Variants in SPEG observed in about 807,000 individuals in gnomAD.
The protein encoded by SPEG is striated muscle preferentially expressed protein kinase.
A neutral mutation model predicts 300.4 loss-of-function variants in SPEG; 114 were observed. That is an observed-to-expected ratio of 0.38 (90% CI 0.33 to 0.44). The LOEUF (loss-of-function observed/expected upper bound fraction) is 0.44, where lower values mean the gene tolerates loss of function less well. Among genes scored for constraint, SPEG ranks in the 20% least tolerant of loss-of-function variants. The probability of loss-of-function intolerance (pLI) is 1.00; values close to 1 mark genes in which losing one functional copy is unlikely to be tolerated. For synonymous variants in SPEG, 1,964 were observed against 2,018.9 expected, an observed-to-expected ratio of 0.97 and a Z score of 0.73; for missense variants, 4,201 against 4,586.2, an observed-to-expected ratio of 0.92 and a Z score of 2.43.
chr2:219,490,565 C>T lies in SPEG; in HGVS notation c.9078C>T (p.His3026=), dbSNP rs541299207. 49 of 1,613,986 alleles carry T rather than the reference C, an allele frequency of 3.0e-5. No individual in the cohort carries two copies. Among genetic ancestry groups the T allele is most frequent in the Non-Finnish European group, 3.7e-5 (44 of 1,180,012 alleles). Residue 3026 remains histidine, a synonymous_variant, in exon 37 of 41, where the codon CAC becomes CAT. Transcript: ENST00000312358. ...ACCACGAGCGGATCATGTCCCTGCACGAGGCCTACATCACCCCTCGGTACC... is the reference window on the plus strand; with the variant it reads ...ACCACGAGCGGATCATGTCCCTGCATGAGGCCTACATCACCCCTCGGTACC... ...TLHHERIMSL[H]EAYITPRYLV... is the part of the protein sequence containing the mutation.
rs758102763 is a variant in SPEG, at chr2:219,492,312, G to C, written c.9611+52G>C. ...CCCAGTGTTACCTGCCCCTGGCCTG[G>C]CCTGTGCCAGAGATCTCCCAGCTCC... On this transcript the variant is annotated intron_variant, in intron 40 of 40. Transcript: ENST00000312358. 2.0e-5 allele frequency: 32 copies of C among 1,570,582 alleles called. 1 individual carries two copies. The East Asian group carries it at 7.2e-4, about 35-fold the overall frequency.
rs12614430 is a variant in SPEG, at chr2:219,445,766, G to C, written c.815+605G>C. ...GGGGGTGGCAGGGGGCTGGGAAAGGGAGGGGCTGGAAATGGGGCCAGGCCA... is the reference window on the plus strand; with the variant it reads ...GGGGGTGGCAGGGGGCTGGGAAAGGCAGGGGCTGGAAATGGGGCCAGGCCA... On this transcript the variant is annotated intron_variant, in intron 3 of 40. Coordinates refer to ENST00000312358, the MANE Select transcript of SPEG (RefSeq NM_005876.5). The surrounding 1 kb of genome is among the most constrained non-coding windows in gnomAD (Gnocchi z 6.1). 1 of 159,084 alleles carries C rather than the reference G, an allele frequency of 6.3e-6. No individual in the cohort carries two copies. Among genetic ancestry groups the C allele is most frequent in the South Asian group, 1.7e-4 (1 of 5,778 alleles). 9.9% of individuals were successfully genotyped at this position (159,084 alleles called of 1,614,324 possible). A position where few individuals can be genotyped will look rare whatever the true frequency, so the allele number is the denominator to read the frequency against.
In SPEG at chr2:219,435,241, C is replaced by G. The variant is rs911436001; in HGVS notation, c.264C>G (p.Pro88=). ...GGCAGCTCCTGCCCGCGCCGGCCCC[C>G]GAGCCCAGCTGCCTGTGGCTGCGGC... ...RDGQLLPAPA[P]EPSCLWLRRC... Residue 88 remains proline (P), a synonymous_variant, in exon 1 of 41, where the codon CCC becomes CCG. Coordinates refer to ENST00000312358, the MANE Select transcript of SPEG (RefSeq NM_005876.5). 27 of 1,479,216 alleles carry G rather than the reference C, an allele frequency of 1.8e-5. No individual in the cohort carries two copies. The highest frequency in any genetic ancestry group is 7.1e-5 in the Admixed American group (3 of 42,218). 91.6% of individuals were successfully genotyped at this position (1,479,216 alleles called of 1,614,324 possible).
At chr2:219,488,458 GC>G in intron 32 of SPEG, 39 bp from the exon 33 acceptor site, 1 of 1,542,684 alleles carries the variant, frequency 6.5e-7, no homozygotes, top group Non-Finnish European at 8.8e-7. Context: ...GACATGTGCT[GC>G]CTCACTCAGC....
chr2:219,441,584 C>A (rs932949496), intron 1 of SPEG: 1 of 470,740 alleles, frequency 2.1e-6, no homozygotes, highest in Non-Finnish European at 4.4e-6. Flanking sequence ...AGAGAGGCCC[C>A]GCGGGAGGAG....
Position 219,488,134 on chromosome 2 carries a change from C to A in SPEG, c.7742-60C>A, listed in dbSNP as rs186023548. 1.0e-4 allele frequency: 118 copies of A among 1,123,890 alleles called. 1 individual carries two copies. In the Admixed American group the frequency reaches 1.1e-3, roughly 11 times the overall value. The allele number at this position is 1,123,890 out of a possible 1,614,324, so 69.6% of individuals were successfully genotyped here. Reference sequence around the variant, plus strand: ...GTTTGCAGGCCTTCTCCACCCCTCCCTCAGCAGTAAGTGGGCCAGGGTCCC... The same window carrying A: ...GTTTGCAGGCCTTCTCCACCCCTCCATCAGCAGTAAGTGGGCCAGGGTCCC... On this transcript the variant is annotated intron_variant, in intron 31 of 40. Coordinates refer to ENST00000312358, the MANE Select transcript of SPEG (RefSeq NM_005876.5).
Position 219,451,337 on chromosome 2 carries a change from G to T in SPEG, c.2257+58G>T. On this transcript the variant is annotated intron_variant, in intron 5 of 40. Transcript: ENST00000312358. The surrounding 1 kb of genome is among the most constrained non-coding windows in gnomAD (Gnocchi z 6.4). The stretch of plus-strand genomic sequence containing the variant: ...AGGTTGGGAGGGGGTGTGTGAGAAG[G>T]GAAGGGGAGGTTCCCCCGGACTCCT... The T allele has an allele frequency of 2.6e-6, 4 of 1,542,560 alleles. No individual in the cohort carries two copies. Among genetic ancestry groups the T allele is most frequent in the Non-Finnish European group, 3.5e-6 (4 of 1,148,324 alleles).
chr2:219,488,891 C>A lies in SPEG; in HGVS notation c.8140C>A (p.Arg2714=), dbSNP rs1345485846. The A allele has an allele frequency of 3.2e-6, 5 of 1,583,852 alleles. No homozygotes were observed. The African/African-American group carries it at 6.7e-5, about 21-fold the overall frequency. The change falls in exon 34 of 41, where the codon CGA becomes AGA. Residue 2714 remains arginine (R), a synonymous_variant. Coordinates refer to ENST00000312358, the MANE Select transcript of SPEG (RefSeq NM_005876.5). ...RAPCTYTLER[R]VDGESVWHPV... ...ACCTTGCACGTATACGCTGGAGCGG[C>A]GAGTGGATGGTGAGGATGGGGCAGC...
Position 219,493,258 on chromosome 2 carries a change from C to G in SPEG, c.*472C>G. The G allele has an allele frequency of 2.8e-6, 1 of 358,010 alleles. No homozygotes were observed. Among genetic ancestry groups the G allele is most frequent in the Non-Finnish European group, 5.5e-6 (1 of 181,944 alleles). The allele number at this position is 358,010 out of a possible 1,614,324, so 22.2% of individuals were successfully genotyped here. On this transcript the variant is annotated 3_prime_UTR_variant, in exon 41 of 41. Transcript: ENST00000312358. ...CAGGACACAGATACAGTGGCAGGGG[C>G]CCAGGGCTGGGACATGAGAGAAGGC... is the stretch of plus-strand genomic sequence containing the variant.
At chr2:219,435,425 C>A in intron 1 of SPEG, 60 bp downstream of exon 1, 2 of 1,469,204 alleles carry the variant, frequency 1.4e-6, no homozygotes, top group Non-Finnish European at 1.8e-6. Flanking sequence ...TAGAAAAGGG[C>A]TGCCCAGGCC....
chr2:219,488,076 A>C, intron 31 of SPEG, 118 bp from the exon 32 acceptor site: 2 of 682,962 alleles, frequency 2.9e-6, no homozygotes, highest in Non-Finnish European at 2.6e-6. Context: ...CTGCCTGGGA[A>C]GAGACAAAGT....
chr2:219,461,032 TG>T, intron 6 of SPEG: 2 of 415,618 alleles, frequency 4.8e-6, no homozygotes, highest in Non-Finnish European at 6.1e-6. Flanking sequence ...GGGCTTGGGG[TG>T]GGGGGACCCT....
intron 18 of SPEG, chr2:219,474,194 A>C: frequency 3.6e-6 from 1 of 276,962 alleles, no homozygotes; most frequent in Non-Finnish European, 6.9e-6. Context: ...CCTCGCCAAC[A>C]TGGTGAAACC....
chr2:219,448,696 C>T lies in SPEG; in HGVS notation c.1538C>T (p.Ser513Leu). Residue 513 changes from serine (S) to leucine (L), a missense_variant, in exon 4 of 41, where the codon TCG (serine) becomes TTG (leucine). Ser to Leu is a moderately radical substitution (Grantham distance 145, BLOSUM62 -2). Transcript: ENST00000312358. ...RSTSREELVRSHESLRATLQR... is the reference protein window; with the variant it reads ...RSTSREELVRLHESLRATLQR... ...ACGTCGCGGGAGGAGCTGGTGCGCT[C>T]GCACGAGTCCCTGCGCGCCACGCTG... 6 of 1,493,468 alleles carry T rather than the reference C, an allele frequency of 4.0e-6. No homozygotes were observed. The highest frequency in any genetic ancestry group is 5.3e-6 in the Non-Finnish European group (6 of 1,129,684). The allele number at this position is 1,493,468 out of a possible 1,614,324, so 92.5% of individuals were successfully genotyped here. A position where few individuals can be genotyped will look rare whatever the true frequency, so the allele number is the denominator to read the frequency against.
At position 219,461,895 on chromosome 2, in the gene SPEG, C is replaced by A. The variant is rs1462834420; in HGVS notation, c.2454C>A (p.Ser818=). Residue 818 remains serine, a synonymous_variant, in exon 7 of 41, where the codon TCC becomes TCA. Transcript: ENST00000312358. ...GTCTCTCTCCAGGTGGGTCTACATCCCCTTTCAGCAGCCCCATCACCTCCG... is the reference window on the plus strand; with the variant it reads ...GTCTCTCTCCAGGTGGGTCTACATCACCTTTCAGCAGCCCCATCACCTCCG... The part of the protein sequence containing the change: ...SLTVRPGGST[S]PFSSPITSDE... 2.5e-6 allele frequency: 4 copies of A among 1,613,938 alleles called. No individual in the cohort carries two copies. Among genetic ancestry groups the A allele is most frequent in the Admixed American group, 3.3e-5 (2 of 59,998 alleles).
In SPEG at chr2:219,464,471, G is replaced by C. The variant is rs778684137; in HGVS notation, c.2744G>C (p.Arg915Pro). Reference sequence around the variant, plus strand: ...CAGCCCGTGCGCCCAGACCAGCGGCGCTTTGCGGAGGAGGCTGAGGGTGGG... The same window carrying C: ...CAGCCCGTGCGCCCAGACCAGCGGCCCTTTGCGGAGGAGGCTGAGGGTGGG... Reference protein sequence around the residue: ...NRQPVRPDQRRFAEEAEGGLC... With the variant: ...NRQPVRPDQRPFAEEAEGGLC... The change falls in exon 9 of 41, where the codon CGC (arginine) becomes CCC (proline). Residue 915 changes from arginine to proline, a missense_variant. Physicochemically the swap from Arg to Pro is moderately radical, Grantham distance 103. Transcript: ENST00000312358. The surrounding 1 kb of genome is among the most constrained non-coding windows in gnomAD (Gnocchi z 4.5). 2 of 1,613,446 alleles carry C rather than the reference G, an allele frequency of 1.2e-6. No individual in the cohort carries two copies. The highest frequency in any genetic ancestry group is 8.5e-7 in the Non-Finnish European group (1 of 1,179,996).
intron 1 of SPEG, among the ~76,000 whole-genome samples, chr2:219,441,113 T>C (rs1688888321): frequency 6.6e-6 from 1 of 152,244 alleles, no homozygotes; most frequent in African/African-American, 2.4e-5. Context: ...ACTTAGTAAC[T>C]GCTAAACAAA....
chr2:219,435,164 CG>C lies in SPEG; in HGVS notation c.190del (p.Val64TrpfsTer3). ...GTGCGCGGGCAGCGACGTGCGGCTG[CG>C]GGTGGTGGTGAGCGGGACGCCCCAG... is the stretch of plus-strand genomic sequence containing the variant. ...AVCAGSDVRL[R>X]VVVSGTPQPS... On this transcript the variant is annotated frameshift_variant, in exon 1 of 41. Transcript: ENST00000312358. LOFTEE classifies it high-confidence loss of function. 2 of 1,471,372 alleles carry C rather than the reference CG, an allele frequency of 1.4e-6. No homozygotes were observed. The highest frequency in any genetic ancestry group is 1.8e-6 in the Non-Finnish European group (2 of 1,121,118). 91.1% of individuals were successfully genotyped at this position (1,471,372 alleles called of 1,614,324 possible).
chr2:219,483,378 A>G lies in SPEG; in HGVS notation c.5915A>G (p.Asp1972Gly). Reference protein sequence around the residue: ...TPETGAATPMDWQEQGRAPSQ... With the variant: ...TPETGAATPMGWQEQGRAPSQ... The stretch of plus-strand genomic sequence containing the variant: ...GAGACTGGGGCTGCCACCCCCATGG[A>G]CTGGCAGGAGCAGGGAAGGGCTCCC... The change falls in exon 30 of 41, where the codon GAC (aspartate) becomes GGC (glycine). Residue 1972 changes from aspartate (D) to glycine (G), a missense_variant. This residue lies in a region of SPEG where 1,578 missense variants were observed against 1,506.0 expected (regional missense o/e 1.05). Transcript: ENST00000312358. 6.2e-7 allele frequency: 1 copy of G among 1,603,010 alleles called. No homozygotes were observed. The highest frequency in any genetic ancestry group is 8.5e-7 in the Non-Finnish European group (1 of 1,177,124).
Sources: gnomAD v4.1 joint callset for allele counts (sites outside exome capture counted in the v4.1 genomes callset) on GRCh38, gnomAD v4.1.1 for gene constraint, gnomAD v4.1.1 regional missense constraint, Gnocchi (gnomAD v3.1) non-coding constraint, MANE v1.5 for transcripts, NCBI Gene and HGNC (gene_info 2026-07-23, HGNC 2026-07-21) for gene names.